The following ANK1 variants were observed in gnomAD, a reference collection of about 807,000 sequenced individuals.
ANK1 encodes ankyrin-1.
A neutral mutation model predicts 210.4 loss-of-function variants in ANK1; 51 were observed. The observed-to-expected ratio is 0.24, with a 90% CI of 0.19 to 0.31. ANK1 has a LOEUF of 0.31. Among genes scored for constraint, ANK1 ranks in the 10% least tolerant of loss-of-function variants. The probability of loss-of-function intolerance (pLI) is 1.00; values close to 1 mark genes in which losing one functional copy is unlikely to be tolerated. For synonymous variants in ANK1, 967 were observed against 1,025.9 expected (o/e 0.94, Z 1.10); for missense variants, 2,051 against 2,504.4 (o/e 0.82, Z 3.86).
intron 2 of ANK1, among the ~76,000 whole-genome samples, chr8:41,748,966 CGG>C (rs1836938692): frequency 6.6e-6 from 1 of 151,530 alleles, no homozygotes. Context: ...ACCTGGGAGG[CGG>C]AGCTTGCAGT....
chr8:41,827,539 C>T (rs571612638), intron 1 of ANK1, among the ~76,000 whole-genome samples: 2 of 152,180 alleles, frequency 1.3e-5, no homozygotes, highest in Non-Finnish European at 2.9e-5. Flanking sequence ...GTAGGTTAGA[C>T]AGGATTGCAA....
rs1818236889 is a variant in ANK1, at chr8:41,688,241, G to A, written c.4184-11C>T. The A allele has an allele frequency of 6.2e-7, 1 of 1,613,972 alleles. No individual in the cohort carries two copies. The highest frequency in any genetic ancestry group is 8.5e-7 in the Non-Finnish European group (1 of 1,179,840). On this transcript the variant is annotated splice_polypyrimidine_tract_variant and intron_variant, in intron 34 of 42. Coordinates refer to ENST00000289734, the MANE Select transcript of ANK1 (RefSeq NM_000037.4). Reference sequence around the variant, plus strand: ...TCCCACTGAGAGAACCTGGGGAGAAGCATTAGATTTCATTTAGTAGCCAGG... The same window carrying A: ...TCCCACTGAGAGAACCTGGGGAGAAACATTAGATTTCATTTAGTAGCCAGG...
At chr8:41,872,506 TACTA>T (rs1344742701) in intron 1 of ANK1, among the ~76,000 whole-genome samples, 1 of 152,198 alleles carries the variant, frequency 6.6e-6, no homozygotes, top group African/African-American at 2.4e-5. Context: ...AGCTTCTCCT[TACTA>T]ACTAAGCCAC....
At chr8:41,660,148 G>A (rs1807439073) in intron 42 of ANK1, among the ~76,000 whole-genome samples, 2 of 152,242 alleles carry the variant, frequency 1.3e-5, no homozygotes, top group African/African-American at 4.8e-5. Context: ...CAGTGCAGGG[G>A]TTAACACGGT....
intron 35 of ANK1, among the ~76,000 whole-genome samples, chr8:41,687,588 A>C (rs1818047271): frequency 6.6e-6 from 1 of 152,154 alleles, no homozygotes; most frequent in Non-Finnish European, 1.5e-5. Context: ...GGGGAGACGG[A>C]TTTGAGGTTT....
chr8:41,797,501 C>G lies in ANK1; in HGVS notation c.27+11G>C. The G allele has an allele frequency of 6.2e-7, 1 of 1,612,912 alleles. No homozygotes were observed. The highest frequency in any genetic ancestry group is 1.7e-5 in the Admixed American group (1 of 60,002). On this transcript the variant is annotated intron_variant, in intron 1 of 42. Transcript: ENST00000289734. This position sits in a 1 kb window ranked among gnomAD's most constrained non-coding sequence, Gnocchi z 4.0. ...TCTCCCCGTCCACCCGAGCAGCCGC[C>G]CAGTACTCACTTCGCGGAAGCCCAC... is the stretch of plus-strand genomic sequence containing the variant.
chr8:41,733,878 G>T, intron 3 of ANK1, 93 bp downstream of exon 3: 2 of 1,014,492 alleles, frequency 2.0e-6, no homozygotes, highest in East Asian at 4.8e-5. Context: ...TCAGATGCAT[G>T]CCTGAGTTCT....
chr8:41,720,006 A>G (rs1828839101), intron 9 of ANK1, 148 bp from the exon 10 acceptor site: 1 of 924,220 alleles, frequency 1.1e-6, no homozygotes, highest in African/African-American at 1.6e-5. Flanking sequence ...CCTGGCCTCC[A>G]CGCTCCTGCC....
intron 13 of ANK1, among the ~76,000 whole-genome samples, chr8:41,716,646 C>G (rs1313756751): frequency 6.6e-6 from 1 of 152,208 alleles, no homozygotes; most frequent in Non-Finnish European, 1.5e-5. Context: ...GCTGGCAATG[C>G]TTTCTTTAAA....
At chr8:41,783,489 T>C (rs1845735492) in intron 1 of ANK1, among the ~76,000 whole-genome samples, 1 of 152,156 alleles carries the variant, frequency 6.6e-6, no homozygotes, top group South Asian at 2.1e-4. Flanking sequence ...TATTCTCTTT[T>C]CCTCTGTTCC....
chr8:41,895,644 C>T (rs2150840886), intron 1 of ANK1, among the ~76,000 whole-genome samples: 1 of 152,254 alleles, frequency 6.6e-6, no homozygotes, highest in East Asian at 1.9e-4. Flanking sequence ...GGCTGGAGCA[C>T]CCGTGCCTGG....
chr8:41,772,703 C>T (rs951906700), intron 1 of ANK1, among the ~76,000 whole-genome samples: 8 of 152,346 alleles, frequency 5.3e-5, no homozygotes, highest in East Asian at 3.9e-4. Context: ...TGTGCCCCCA[C>T]GCTCCCTGTC....
intron 35 of ANK1, among the ~76,000 whole-genome samples, chr8:41,687,645 C>T (rs1389244876): frequency 2.0e-5 from 3 of 152,218 alleles, no homozygotes; most frequent in Admixed American, 6.5e-5. Flanking sequence ...CCTCTTTCAC[C>T]GCTGCAACCC....
chr8:41,896,052 G>A (rs1015581162), intron 1 of ANK1, among the ~76,000 whole-genome samples: 9 of 152,212 alleles, frequency 5.9e-5, no homozygotes, highest in Admixed American at 2.6e-4. Context: ...GAGCAGCGCG[G>A]GCCTGCCGGG....
intron 10 of ANK1, among the ~76,000 whole-genome samples, chr8:41,718,648 C>T (rs866462357): frequency 2.0e-5 from 3 of 152,084 alleles, no homozygotes; most frequent in African/African-American, 7.2e-5. Context: ...CTCTGAAGGG[C>T]AGAAATGTGT....
At chr8:41,803,681 G>T (rs1355957516) in intron 1 of ANK1, among the ~76,000 whole-genome samples, 1 of 151,718 alleles carries the variant, frequency 6.6e-6, no homozygotes, top group Non-Finnish European at 1.5e-5. Context: ...TAAGTATAAT[G>T]TTTATGTAAG....
intron 1 of ANK1, among the ~76,000 whole-genome samples, chr8:41,804,237 C>A (rs907711817): frequency 7.9e-5 from 12 of 152,154 alleles, no homozygotes; most frequent in African/African-American, 2.7e-4. Context: ...ACCTCATGGA[C>A]CTCCCATAGG....
chr8:41,766,355 G>T (rs557033908), intron 1 of ANK1, among the ~76,000 whole-genome samples: 10 of 152,328 alleles, frequency 6.6e-5, no homozygotes, highest in African/African-American at 2.2e-4. Flanking sequence ...GGTGAACACT[G>T]GGCCCTAGTG....
chr8:41,758,765 T>C (rs1839794056), intron 1 of ANK1, among the ~76,000 whole-genome samples: 1 of 152,188 alleles, frequency 6.6e-6, no homozygotes, highest in African/African-American at 2.4e-5. Flanking sequence ...CTCTGAGGTT[T>C]CAGGGGCTCC....
Sources: allele counts gnomAD v4.1 joint callset (sites outside exome capture counted in the v4.1 genomes callset), GRCh38; gene constraint gnomAD v4.1.1; non-coding constraint Gnocchi (gnomAD v3.1); transcripts MANE v1.5; gene names NCBI Gene and HGNC (gene_info 2026-07-23, HGNC 2026-07-21).